TRPM1: variants seen among roughly 807,000 people sequenced by gnomAD.
The protein encoded by TRPM1 is transient receptor potential cation channel subfamily M member 1, also known as TRPM1-203 APA Isoform, Intron 10.
In TRPM1, 113 loss-of-function variants were observed where a neutral mutation model predicts 149.4. That is an observed-to-expected ratio of 0.76 (90% CI 0.65 to 0.88). The LOEUF is 0.88. Among genes scored for constraint, TRPM1 ranks in the 40% least tolerant of loss-of-function variants. The probability of loss-of-function intolerance (pLI) is 0.00; values close to 1 mark genes in which losing one functional copy is unlikely to be tolerated. For missense variants in TRPM1, 1,976 were observed against 2,038.7 expected, an observed-to-expected ratio of 0.97 and a Z score of 0.59; for synonymous variants, 741 against 759.5, an observed-to-expected ratio of 0.98 and a Z score of 0.40.
intron 1 of TRPM1, among the ~76,000 whole-genome samples, chr15:31,138,316 A>G (rs1191119273): frequency 6.6e-6 from 1 of 152,100 alleles, no homozygotes; most frequent in East Asian, 1.9e-4. Flanking sequence ...ATGGGCCTCC[A>G]AGGGAAGCTC....
At chr15:31,148,145 G>A (rs1348735970) in intron 1 of TRPM1, among the ~76,000 whole-genome samples, 1 of 152,234 alleles carries the variant, frequency 6.6e-6, no homozygotes, top group Non-Finnish European at 1.5e-5. Flanking sequence ...ATGTGTCCTT[G>A]TGGGGAATGG....
chr15:31,032,450 T>G (rs1210155932), intron 22 of TRPM1, among the ~76,000 whole-genome samples: 1 of 152,194 alleles, frequency 6.6e-6, no homozygotes, highest in Non-Finnish European at 1.5e-5. Context: ...ACACTATATA[T>G]GTATATATGT....
chr15:31,036,593 G>A (rs1412850652), intron 20 of TRPM1, among the ~76,000 whole-genome samples: 2 of 152,164 alleles, frequency 1.3e-5, no homozygotes, highest in Non-Finnish European at 2.9e-5. Context: ...GCTGCACAAT[G>A]TGTGATGACT....
rs574246740 is a variant in TRPM1, at chr15:31,097,111, T to A, written c.-84+4546A>T. ...ATTAGCCAAAGAGCAATTTTACAAA[T>A]AAAACAATTGGGGTCTTTTCTGAGT... On this transcript the variant is annotated intron_variant, in intron 1 of 27. Transcript: ENST00000256552. Among the ~76,000 whole-genome samples the A allele has an allele frequency of 1.1e-4, 16 of 152,356 alleles. No individual in the cohort carries two copies. The East Asian group carries it at 2.9e-3, about 28-fold the overall frequency.
At chr15:31,076,569 C>T (rs2034699419) in intron 3 of TRPM1, among the ~76,000 whole-genome samples, 1 of 152,166 alleles carries the variant, frequency 6.6e-6, no homozygotes, top group South Asian at 2.1e-4. Context: ...CATCTAAATA[C>T]ATTATGAAAC....
intron 27 of TRPM1, among the ~76,000 whole-genome samples, chr15:31,018,345 T>G (rs2032443551): frequency 6.6e-6 from 1 of 150,968 alleles, no homozygotes; most frequent in Non-Finnish European, 1.5e-5. Flanking sequence ...GCCACCACAC[T>G]TGGCCTTTTA....
chr15:31,076,995 G>C lies in TRPM1; in HGVS notation c.4-11C>G. ...CCAAGATTTCTGACCCTGGAAGAGAGAGAGAAGTGGATATTGGACCAATAC... is the reference window on the plus strand; with the variant it reads ...CCAAGATTTCTGACCCTGGAAGAGACAGAGAAGTGGATATTGGACCAATAC... On this transcript the variant is annotated splice_polypyrimidine_tract_variant and intron_variant, in intron 2 of 27. Transcript: ENST00000256552. The C allele has an allele frequency of 6.3e-7, 1 of 1,585,832 alleles. No individual in the cohort carries two copies. Among genetic ancestry groups the C allele is most frequent in the East Asian group, 2.2e-5 (1 of 44,728 alleles).
intron 1 of TRPM1, among the ~76,000 whole-genome samples, chr15:31,118,733 A>G (rs1476686884): frequency 6.6e-6 from 1 of 152,110 alleles, no homozygotes; most frequent in African/African-American, 2.4e-5. Context: ...CCAGCTTCTC[A>G]TTGTATCCTC....
At position 31,002,310 on chromosome 15, in the gene TRPM1, A is replaced by G. The variant is rs1248060306; in HGVS notation, c.4390T>C (p.Tyr1464His). The change falls in exon 28 of 28, where the codon TAT becomes CAT. Residue 1464 changes from tyrosine to histidine, a missense_variant. Physicochemically the swap from Tyr to His is moderately conservative, Grantham distance 83. Coordinates refer to ENST00000256552, the MANE Select transcript of TRPM1 (RefSeq NM_001252024.2). The part of the protein sequence containing the change: ...CKTMKSRSFV[Y>H]SRGRKLVGGV... ...CCGACCAGCTTTCTTCCCCGGGAAT[A>G]GACGAAGCTTCTGGACTTCATTGTT... 1.9e-6 allele frequency: 3 copies of G among 1,614,120 alleles called. No individual in the cohort carries two copies. The highest frequency in any genetic ancestry group is 1.3e-5 in the African/African-American group (1 of 74,940).
Position 31,001,700 on chromosome 15 carries a change from G to T in TRPM1, c.*122C>A. 2.9e-6 allele frequency: 3 copies of T among 1,044,586 alleles called. No individual in the cohort carries two copies. The highest frequency in any genetic ancestry group is 4.1e-6 in the Non-Finnish European group (3 of 729,366). The allele number at this position is 1,044,586 out of a possible 1,614,324, so 64.7% of individuals were successfully genotyped here. ...TTTAGTGCATTAAATTGTAAATCAAGTCTGAATTTCCAAAATTTTTTAAGG... is the reference window on the plus strand; with the variant it reads ...TTTAGTGCATTAAATTGTAAATCAATTCTGAATTTCCAAAATTTTTTAAGG... On this transcript the variant is annotated 3_prime_UTR_variant, in exon 28 of 28. Transcript: ENST00000256552.
chr15:31,072,006 TATATATATATATAGAG>T (rs1163232145), intron 3 of TRPM1, among the ~76,000 whole-genome samples: 108 of 38,292 alleles, frequency 2.8e-3, no homozygotes, highest in East Asian at 6.2e-3. Flanking sequence ...TATATATATA[TATATATATATATAGAG>T]AGAGAGAGAG....
At chr15:31,153,836 T>G (rs1183168463) in intron 1 of TRPM1, among the ~76,000 whole-genome samples, 1 of 152,250 alleles carries the variant, frequency 6.6e-6, no homozygotes, top group Non-Finnish European at 1.5e-5. Context: ...TCAAACTGAT[T>G]GAGACTTGTC....
chr15:31,044,490 A>G (rs1034307299), intron 16 of TRPM1, among the ~76,000 whole-genome samples: 1 of 152,142 alleles, frequency 6.6e-6, no homozygotes, highest in African/African-American at 2.4e-5. Flanking sequence ...ATGGCACAAG[A>G]GGCTGGGCGT....
At chr15:31,055,948 T>C (rs2034071644) in intron 11 of TRPM1, among the ~76,000 whole-genome samples, 2 of 152,192 alleles carry the variant, frequency 1.3e-5, no homozygotes, top group Non-Finnish European at 2.9e-5. Context: ...GAACAGAAGA[T>C]AACTTCAAAA....
chr15:31,113,442 T>TTC (rs1191704998), intron 1 of TRPM1, among the ~76,000 whole-genome samples: 5 of 142,172 alleles, frequency 3.5e-5, no homozygotes, highest in Non-Finnish European at 6.2e-5. Flanking sequence ...GTTTTTTTTT[T>TTC]TTCAAAATCT....
intron 1 of TRPM1, among the ~76,000 whole-genome samples, chr15:31,085,041 C>G (rs12440639): frequency 0.37 from 56,867 of 151,890 alleles, 11,176 homozygotes; most frequent in African/African-American, 0.47. Flanking sequence ...AAAAAGGAAG[C>G]AAATTCATTA....
chr15:31,091,289 G>A (rs145031807), intron 1 of TRPM1, among the ~76,000 whole-genome samples: 14 of 152,364 alleles, frequency 9.2e-5, no homozygotes, highest in African/African-American at 3.1e-4. Flanking sequence ...AGTGCTGGAC[G>A]TAAATCTTGG....
chr15:31,108,748 C>T (rs1355128887), intron 1 of TRPM1, among the ~76,000 whole-genome samples: 1 of 152,248 alleles, frequency 6.6e-6, no homozygotes, highest in Non-Finnish European at 1.5e-5. Context: ...TCTGCCTTGG[C>T]CTCCCAAAGT....
At chr15:31,028,537 C>G in intron 24 of TRPM1, 61 bp from the exon 25 acceptor site, 4 of 1,565,270 alleles carry the variant, frequency 2.6e-6, no homozygotes, top group Non-Finnish European at 3.5e-6. Flanking sequence ...ATAAATATCT[C>G]TTACATATGT....
Sources: gnomAD v4.1 joint callset for allele counts (sites outside exome capture counted in the v4.1 genomes callset) on GRCh38, gnomAD v4.1.1 for gene constraint, MANE v1.5 for transcripts, NCBI Gene and HGNC (gene_info 2026-07-23, HGNC 2026-07-21) for gene names.